Variants in DIP2A observed in about 807,000 individuals in gnomAD.
DIP2A encodes disco-interacting protein 2 homolog A.
A neutral mutation model predicts 177.4 loss-of-function variants in DIP2A; 85 were observed. The observed-to-expected ratio is 0.48, with a 90% CI of 0.40 to 0.57. The LOEUF is 0.57. DIP2A is among the 20% of genes least tolerant of loss of function. DIP2A has a pLI of 0.00. For synonymous variants in DIP2A, 886 were observed against 881.8 expected, an observed-to-expected ratio of 1.00 and a Z score of -0.08; for missense variants, 1,791 against 2,100.2, an observed-to-expected ratio of 0.85 and a Z score of 2.88.
intron 1 of DIP2A, among the ~76,000 whole-genome samples, chr21:46,472,897 C>T (rs112853335): frequency 1.5e-3 from 224 of 152,276 alleles, no homozygotes; most frequent in South Asian, 6.0e-3. Flanking sequence ...CTTTCTGCTA[C>T]GATGGGAAAG....
At chr21:46,577,212 A>G in the DIP2A span, among the ~76,000 whole-genome samples, 5 of 152,296 alleles carry the variant, frequency 3.3e-5, no homozygotes, top group African/African-American at 1.2e-4. Flanking sequence ...GTCCGTGCCT[A>G]TGTCCTGAAT....
chr21:46,487,921 T>A (rs924355886), intron 2 of DIP2A, among the ~76,000 whole-genome samples: 11 of 152,238 alleles, frequency 7.2e-5, no homozygotes, highest in African/African-American at 2.7e-4. Context: ...CCAGTCTGAA[T>A]ACCAGGCCTG....
intron 1 of DIP2A, among the ~76,000 whole-genome samples, chr21:46,464,844 T>TAC (rs58546395): frequency 1.1e-4 from 12 of 111,230 alleles, no homozygotes; most frequent in East Asian, 4.6e-4. Context: ...TTTTTTTTTT[T>TAC]CAAGAAAACA....
intron 1 of DIP2A, chr21:46,462,537 T>G (rs574453096): frequency 1.3e-4 from 20 of 152,338 alleles, no homozygotes; most frequent in Non-Finnish European, 2.8e-4. Flanking sequence ...GGTGTTTTAT[T>G]TATATAATTA....
intron 1 of DIP2A, among the ~76,000 whole-genome samples, chr21:46,459,603 C>T (rs1372902527): frequency 6.8e-6 from 1 of 148,128 alleles, no homozygotes; most frequent in Non-Finnish European, 1.5e-5. Context: ...CCGCCCTTCA[C>T]CCTGGGAGCC....
chr21:46,503,515 A>G (rs1447128593), intron 5 of DIP2A, among the ~76,000 whole-genome samples: 3 of 151,930 alleles, frequency 2.0e-5, no homozygotes, highest in Non-Finnish European at 2.9e-5. Context: ...AATGTAACAA[A>G]AAAATGTACC....
chr21:46,469,698 A>G (rs1195703128), intron 1 of DIP2A, among the ~76,000 whole-genome samples: 1 of 152,194 alleles, frequency 6.6e-6, no homozygotes, highest in African/African-American at 2.4e-5. Context: ...AGGACTCCTC[A>G]TTGGCCTGGC....
At chr21:46,526,717 T>C (rs1222765916) in intron 8 of DIP2A, among the ~76,000 whole-genome samples, 1 of 152,166 alleles carries the variant, frequency 6.6e-6, no homozygotes, top group Non-Finnish European at 1.5e-5. Context: ...ATTGCTAGTA[T>C]GTAGAAATCA....
At chr21:46,499,541 C>T (rs779879206) in intron 5 of DIP2A, among the ~76,000 whole-genome samples, 20 of 152,210 alleles carry the variant, frequency 1.3e-4, no homozygotes, top group Non-Finnish European at 1.9e-4. Flanking sequence ...CCAGGTTAGA[C>T]AGCCTTTGGC....
chr21:46,558,508 G>A (rs2839323), intron 32 of DIP2A, 115 bp downstream of exon 32: 70,444 of 1,022,044 alleles, frequency 0.069, 2,727 homozygotes, highest in Non-Finnish European at 0.081. Context: ...TCCTTCTCTG[G>A]GCCTTTGATA....
chr21:46,506,724 TTTTCTTTCTTTCTTTCTTTCTTTCTTTC>T (rs1555887429), intron 6 of DIP2A, among the ~76,000 whole-genome samples: 34 of 78,938 alleles, frequency 4.3e-4, no homozygotes, highest in Middle Eastern at 7.4e-3. Flanking sequence ...TTGTGCTTGT[TTTTCTTTCTTTCTTTCTTTCTTTCTTTC>T]TTTCTTTCTT....
In DIP2A at chr21:46,538,570, G is replaced by A. The variant is rs374856541; in HGVS notation, c.1889G>A (p.Arg630His). The A allele has an allele frequency of 5.3e-5, 83 of 1,561,996 alleles. No homozygotes were observed. The East Asian group carries it at 7.9e-4, about 15-fold the overall frequency. Residue 630 changes from arginine (R) to histidine (H), a missense_variant, in exon 16 of 38, where the codon CGC becomes CAC. By Grantham distance (29) the Arg-to-His change is conservative. Coordinates refer to ENST00000417564, the MANE Select transcript of DIP2A (RefSeq NM_015151.4). Reference protein sequence around the residue: ...GQRDVSLSSLRMLIVADGANP... With the variant: ...GQRDVSLSSLHMLIVADGANP... ...AGGGACGTCAGCCTCAGCTCACTGC[G>A]CATGCTGATTGTGGCCGATGGTGCC...
In DIP2A at chr21:46,556,796, A is replaced by G; in HGVS notation, c.3499-143A>G. 1 of 733,368 alleles carries G rather than the reference A, an allele frequency of 1.4e-6. No individual in the cohort carries two copies. The highest frequency in any genetic ancestry group is 3.0e-5 in the Admixed American group (1 of 33,132). The allele number at this position is 733,368 out of a possible 1,614,324, so 45.4% of individuals were successfully genotyped here. A position where few individuals can be genotyped will look rare whatever the true frequency, so the allele number is the denominator to read the frequency against. ...TTTAGGTTATATGGGGATTTGAGCCAACCGTCTTTTAAGGAAATAAATATG... is the reference window on the plus strand; with the variant it reads ...TTTAGGTTATATGGGGATTTGAGCCGACCGTCTTTTAAGGAAATAAATATG... On this transcript the variant is annotated intron_variant, in intron 29 of 37. Coordinates refer to ENST00000417564, the MANE Select transcript of DIP2A (RefSeq NM_015151.4). This position sits in a 1 kb window ranked among gnomAD's most constrained non-coding sequence, Gnocchi z 4.5.
Position 46,567,363 on chromosome 21 carries a change from T to C in DIP2A, c.4464-7T>C. 1 of 1,610,348 alleles carries C rather than the reference T, an allele frequency of 6.2e-7. No individual in the cohort carries two copies. The highest frequency in any genetic ancestry group is 8.5e-7 in the Non-Finnish European group (1 of 1,177,612). On this transcript the variant is annotated splice_polypyrimidine_tract_variant and splice_region_variant and intron_variant, in intron 37 of 37. Coordinates refer to ENST00000417564, the MANE Select transcript of DIP2A (RefSeq NM_015151.4). ...TCCATGTGACCCAGTCTGTCTTCTCTCTGCAGTGCCGTATTCACCTGGACC... is the reference window on the plus strand; with the variant it reads ...TCCATGTGACCCAGTCTGTCTTCTCCCTGCAGTGCCGTATTCACCTGGACC...
downstream of DIP2A, among the ~76,000 whole-genome samples, chr21:46,571,099 C>G (rs1053578420): frequency 1.3e-5 from 2 of 152,226 alleles, no homozygotes; most frequent in South Asian, 2.1e-4. Context: ...ACCACCTGAG[C>G]TCTGCCTCCT....
At position 46,567,488 on chromosome 21, in the gene DIP2A, G is replaced by A; in HGVS notation, c.4582G>A (p.Val1528Ile). The A allele has an allele frequency of 6.2e-7, 1 of 1,613,978 alleles. No homozygotes were observed. Among genetic ancestry groups the A allele is most frequent in the Non-Finnish European group, 8.5e-7 (1 of 1,179,888 alleles). ...TNVVLEEHYL[V>I]VGVVVIVDPG... ...CGTGGTGCTGGAGGAGCACTACCTG[G>A]TCGTGGGAGTGGTGGTCATCGTGGA... The change falls in exon 38 of 38, where the codon GTC (valine) becomes ATC (isoleucine). Residue 1528 changes from valine (V) to isoleucine (I), a missense_variant. Coordinates refer to ENST00000417564, the MANE Select transcript of DIP2A (RefSeq NM_015151.4).
chr21:46,525,161 A>G (rs1265601596), intron 8 of DIP2A, among the ~76,000 whole-genome samples: 1 of 148,368 alleles, frequency 6.7e-6, no homozygotes, highest in Non-Finnish European at 1.5e-5. Context: ...TGCTGGGATT[A>G]CAGTTGTGAG....
chr21:46,490,758 C>T, intron 3 of DIP2A, 39 bp downstream of exon 3: 1 of 1,524,480 alleles, frequency 6.6e-7, no homozygotes, highest in East Asian at 2.5e-5. Context: ...GGTGGACGGG[C>T]CTGGAGCCCT....
intron 1 of DIP2A, among the ~76,000 whole-genome samples, chr21:46,468,854 T>A (rs550550758): frequency 3.3e-5 from 5 of 152,302 alleles, no homozygotes; most frequent in African/African-American, 1.2e-4. Flanking sequence ...CATGTCGATT[T>A]AAAAAAAGAA....
Sources: allele counts gnomAD v4.1 joint callset (sites outside exome capture counted in the v4.1 genomes callset), GRCh38; gene constraint gnomAD v4.1.1; non-coding constraint Gnocchi (gnomAD v3.1); transcripts MANE v1.5; gene names NCBI Gene and HGNC (gene_info 2026-07-23, HGNC 2026-07-21).